SHANK2: variants seen among roughly 807,000 people sequenced by gnomAD.
SHANK2 encodes the protein SH3 and multiple ankyrin repeat domains protein 2.
A neutral mutation model predicts 133.7 loss-of-function variants in SHANK2; 43 were observed. The observed-to-expected ratio is 0.32, with a 90% CI of 0.25 to 0.41. The LOEUF is 0.41. Among genes scored for constraint, SHANK2 ranks in the 10% least tolerant of loss-of-function variants. The probability of loss-of-function intolerance (pLI) is 1.00; values close to 1 mark genes in which losing one functional copy is unlikely to be tolerated. For missense variants in SHANK2, 1,994 were observed against 2,235.8 expected (o/e 0.89, Z 2.18); for synonymous variants, 1,017 against 952.8 (o/e 1.07, Z -1.24).
rs185819414 is a variant in SHANK2 at position 70,587,575 on chromosome 11, A to G, written c.2061+72253T>C. 1.0e-3 allele frequency among the ~76,000 whole-genome samples: 152 copies of G among 152,332 alleles called. 1 individual carries two copies. Among genetic ancestry groups the G allele is most frequent in the Admixed American group, 5.2e-3 (79 of 15,300 alleles). ...GGAACAGCGAGTCCGACATTCAGAG[A>G]AAAGGTATAAAAAAGATGCAGAGGC... On this transcript the variant is annotated intron_variant, in intron 17 of 25. Coordinates refer to ENST00000601538, the MANE Select transcript of SHANK2 (RefSeq NM_012309.5).
At chr11:70,831,923 G>A (rs1948732668) in intron 11 of SHANK2, among the ~76,000 whole-genome samples, 1 of 152,224 alleles carries the variant, frequency 6.6e-6, no homozygotes, top group Non-Finnish European at 1.5e-5. Context: ...CCATGGGCCG[G>A]TTGGACACCC....
At chr11:70,792,251 C>T (rs782712189) in intron 14 of SHANK2, among the ~76,000 whole-genome samples, 92 of 152,062 alleles carry the variant, frequency 6.1e-4, no homozygotes, top group Non-Finnish European at 1.1e-3. Context: ...AATCAACCAA[C>T]CAACCAACCA....
intron 17 of SHANK2, among the ~76,000 whole-genome samples, chr11:70,616,010 C>A (rs2060736608): frequency 1.3e-5 from 2 of 152,182 alleles, no homozygotes; most frequent in Admixed American, 1.3e-4. Context: ...AGCGTGGATG[C>A]CGAGACCAGA....
chr11:70,878,244 G>A (rs1555071741), intron 11 of SHANK2, among the ~76,000 whole-genome samples: 1 of 152,314 alleles, frequency 6.6e-6, no homozygotes, highest in African/African-American at 2.4e-5. Context: ...AATATTCATG[G>A]AGAACTGGGA....
At chr11:70,720,969 C>T (rs1430661099) in intron 14 of SHANK2, among the ~76,000 whole-genome samples, 1 of 152,250 alleles carries the variant, frequency 6.6e-6, no homozygotes, top group Non-Finnish European at 1.5e-5. Flanking sequence ...AATCTCAAGG[C>T]TTTCTTTCCC....
At chr11:70,662,058 G>T in intron 15 of SHANK2, 1 of 497,732 alleles carries the variant, frequency 2.0e-6, no homozygotes, top group South Asian at 2.0e-5. Flanking sequence ...CGGCAGCGGC[G>T]GCCTCAGCAG....
At chr11:70,910,669 T>C (rs1950177698) in intron 10 of SHANK2, among the ~76,000 whole-genome samples, 1 of 152,098 alleles carries the variant, frequency 6.6e-6, no homozygotes, top group Admixed American at 6.6e-5. Context: ...TAGCCGGGCA[T>C]GGTGGTGGAC....
At chr11:70,727,996 AG>A (rs1946210320) in intron 14 of SHANK2, among the ~76,000 whole-genome samples, 2 of 152,214 alleles carry the variant, frequency 1.3e-5, no homozygotes, top group Non-Finnish European at 2.9e-5. Flanking sequence ...GGCTCAGCAA[AG>A]GCATTTATTG....
chr11:70,538,093 C>T (rs146303931), intron 17 of SHANK2, among the ~76,000 whole-genome samples: 51 of 152,286 alleles, frequency 3.3e-4, no homozygotes, highest in African/African-American at 1.1e-3. Context: ...CAGTAGCGAG[C>T]GGTGGAGATG....
intron 10 of SHANK2, among the ~76,000 whole-genome samples, chr11:70,942,379 G>A (rs1565419278): frequency 6.6e-6 from 1 of 152,056 alleles, no homozygotes; most frequent in African/African-American, 2.4e-5. Flanking sequence ...TTTATAACAA[G>A]CCATTCTTAT....
In SHANK2 at chr11:70,502,931, C is replaced by T. The variant is rs782048918; in HGVS notation, c.2062G>A (p.Val688Ile). 6.2e-7 allele frequency: 1 copy of T among 1,614,146 alleles called. No homozygotes were observed. The highest frequency in any genetic ancestry group is 8.5e-7 in the Non-Finnish European group (1 of 1,180,024). ...ACTTTGACAACATTCTCATTGTTAACCTGTGGGAAGGCGGAGAGGATGGCA... is the reference window on the plus strand; with the variant it reads ...ACTTTGACAACATTCTCATTGTTAATCTGTGGGAAGGCGGAGAGGATGGCA... Reference protein sequence around the residue: ...GLRTGDFLIEVNNENVVKVGH... With the variant: ...GLRTGDFLIEINNENVVKVGH... The change falls in exon 18 of 26, where the codon GTT becomes ATT. Residue 688 changes from valine (V) to isoleucine (I), a missense_variant and splice_region_variant. Physicochemically the swap from Val to Ile is conservative, Grantham distance 29 (BLOSUM62 3). Around this residue, in one of 5 missense-constraint regions of SHANK2, gnomAD observed 488 missense variants for 642.6 expected, o/e 0.76. Transcript: ENST00000601538.
intron 8 of SHANK2, among the ~76,000 whole-genome samples, chr11:71,083,360 G>A (rs1017728533): frequency 4.8e-4 from 73 of 152,288 alleles, no homozygotes; most frequent in African/African-American, 1.6e-3. Context: ...CATTTATTAA[G>A]CACCTGGTCT....
chr11:71,086,074 TTA>T (rs1379567426), intron 8 of SHANK2, among the ~76,000 whole-genome samples: 655 of 46,030 alleles, frequency 0.014, 32 homozygotes, highest in African/African-American at 0.047. Context: ...ATATAATATA[TTA>T]TGTTATATAA....
chr11:71,058,600 C>A (rs1056292158), intron 9 of SHANK2, among the ~76,000 whole-genome samples: 1 of 152,326 alleles, frequency 6.6e-6, no homozygotes, highest in African/African-American at 2.4e-5. Context: ...GGCCTGACAC[C>A]GGGCTGGGGG....
chr11:70,826,785 C>T (rs1458770163), intron 11 of SHANK2: 1 of 291,618 alleles, frequency 3.4e-6, no homozygotes, highest in South Asian at 3.2e-5. Context: ...TCATGTGAGC[C>T]GGGCTACTCT....
At chr11:71,184,117 TC>T (rs1401425305) in intron 2 of SHANK2, among the ~76,000 whole-genome samples, 12 of 152,074 alleles carry the variant, frequency 7.9e-5, no homozygotes, top group African/African-American at 2.9e-4. Context: ...AGACAGCCCC[TC>T]CCCGGCGGCA....
At chr11:71,122,228 A>G (rs1555101602) in intron 3 of SHANK2, among the ~76,000 whole-genome samples, 1 of 152,330 alleles carries the variant, frequency 6.6e-6, no homozygotes, top group African/African-American at 2.4e-5. Context: ...TCACAATAGC[A>G]AAGACTTGGA....
At chr11:71,249,036 A>G (rs1265027464) in intron 1 of SHANK2, among the ~76,000 whole-genome samples, 1 of 152,156 alleles carries the variant, frequency 6.6e-6, no homozygotes, top group Non-Finnish European at 1.5e-5. Context: ...CACCCTAGAT[A>G]TCCTCTGACC....
At chr11:70,950,208 G>A (rs1282936451) in intron 10 of SHANK2, 26 of 447,758 alleles carry the variant, frequency 5.8e-5, no homozygotes, top group Admixed American at 4.0e-4. Flanking sequence ...ACAGGATTTC[G>A]CTCTATGGCC....
Sources: gnomAD v4.1 joint callset for allele counts (sites outside exome capture counted in the v4.1 genomes callset) on GRCh38, gnomAD v4.1.1 for gene constraint, gnomAD v4.1.1 regional missense constraint, MANE v1.5 for transcripts, NCBI Gene and HGNC (gene_info 2026-07-23, HGNC 2026-07-21) for gene names.